Variants in EXOC4 observed in about 807,000 individuals in gnomAD.
The protein encoded by EXOC4 is exocyst complex component 4.
A neutral mutation model predicts 107.2 loss-of-function variants in EXOC4; 71 were observed. The ratio of observed to expected loss-of-function variants is 0.66; its 90% CI spans 0.55 to 0.81. EXOC4 has a LOEUF of 0.81. Among genes scored for constraint, EXOC4 ranks in the 30% least tolerant of loss-of-function variants. EXOC4 has a pLI of 0.00. For missense variants in EXOC4, 1,108 were observed against 1,189.6 expected, an observed-to-expected ratio of 0.93 and a Z score of 1.01; for synonymous variants, 456 against 441.2, an observed-to-expected ratio of 1.03 and a Z score of -0.42.
intron 10 of EXOC4, among the ~76,000 whole-genome samples, chr7:133,805,941 G>A (rs1372201649): frequency 6.6e-6 from 1 of 152,194 alleles, no homozygotes; most frequent in Admixed American, 6.5e-5. Context: ...ATCTCATTTT[G>A]TAAGAACCTG....
intron 9 of EXOC4, among the ~76,000 whole-genome samples, chr7:133,549,511 C>T (rs1479377400): frequency 2.6e-5 from 4 of 151,944 alleles, no homozygotes; most frequent in African/African-American, 7.3e-5. Context: ...GAGTGTGGTT[C>T]GTGGTGCCCC....
At chr7:133,742,933 G>T (rs1795598007) in intron 10 of EXOC4, among the ~76,000 whole-genome samples, 1 of 152,130 alleles carries the variant, frequency 6.6e-6, no homozygotes. Context: ...CTGCCCTCTG[G>T]TGGCAAAGGC....
intron 17 of EXOC4, 78 bp from the exon 18 acceptor site, chr7:134,064,213 A>T (rs10243889): frequency 1.1e-5 from 10 of 910,612 alleles, no homozygotes; most frequent in Non-Finnish European, 1.6e-5. Context: ...GAATCAATGT[A>T]TAGACAGCGT....
intron 7 of EXOC4, among the ~76,000 whole-genome samples, chr7:133,444,570 A>C (rs537305819): frequency 1.3e-5 from 2 of 152,288 alleles, no homozygotes; most frequent in East Asian, 3.9e-4. Flanking sequence ...TCCTATGAAA[A>C]AGATACAATT....
At chr7:133,429,926 G>T (rs1797816847) in intron 7 of EXOC4, among the ~76,000 whole-genome samples, 1 of 152,236 alleles carries the variant, frequency 6.6e-6, no homozygotes, top group Admixed American at 6.5e-5. Flanking sequence ...GCAAACGGGT[G>T]CCAGGGCTGG....
chr7:133,726,711 A>C (rs1464268379), intron 10 of EXOC4, among the ~76,000 whole-genome samples: 1 of 152,186 alleles, frequency 6.6e-6, no homozygotes, highest in Non-Finnish European at 1.5e-5. Flanking sequence ...CTCCTAAATG[A>C]GTACTTCCCC....
intron 17 of EXOC4, among the ~76,000 whole-genome samples, chr7:134,053,237 CAAA>C (rs59323264): frequency 9.9e-5 from 12 of 120,984 alleles, no homozygotes; most frequent in Non-Finnish European, 1.4e-4. Flanking sequence ...AACTCCATCT[CAAA>C]AAAAAAAAAA....
intron 10 of EXOC4, among the ~76,000 whole-genome samples, chr7:133,631,540 A>C (rs893220515): frequency 2.0e-5 from 3 of 152,086 alleles, no homozygotes; most frequent in Non-Finnish European, 4.4e-5. Flanking sequence ...ACTTTCACAC[A>C]ATAAAAAGTT....
chr7:133,324,734 T>C (rs1563018749), intron 5 of EXOC4, among the ~76,000 whole-genome samples: 1 of 152,218 alleles, frequency 6.6e-6, no homozygotes, highest in Non-Finnish European at 1.5e-5. Flanking sequence ...GTCTGCTTGG[T>C]GCAGAGCTGA....
the EXOC4 span, among the ~76,000 whole-genome samples, chr7:134,079,404 A>AT: frequency 0.77 from 116,801 of 151,266 alleles, 45,938 homozygotes; most frequent in African/African-American, 0.91. Context: ...AGGTTTACTT[A>AT]TTTTTTTTTA....
chr7:134,032,562 A>G (rs1175256980), intron 17 of EXOC4, among the ~76,000 whole-genome samples: 1 of 152,212 alleles, frequency 6.6e-6, no homozygotes, highest in Non-Finnish European at 1.5e-5. Context: ...AACAGGAACT[A>G]GCTCAGTCCT....
At chr7:133,977,683 GTTTA>G (rs774697738) in intron 14 of EXOC4, among the ~76,000 whole-genome samples, 8 of 151,658 alleles carry the variant, frequency 5.3e-5, no homozygotes, top group Non-Finnish European at 1.0e-4. Context: ...TGTTGTTGTG[GTTTA>G]TTTGTTTGTT....
At chr7:133,389,967 A>G (rs1215074199) in intron 7 of EXOC4, among the ~76,000 whole-genome samples, 4 of 151,654 alleles carry the variant, frequency 2.6e-5, no homozygotes, top group Non-Finnish European at 5.9e-5. Context: ...GAGACTTATC[A>G]CTATCATGAG....
In EXOC4 at chr7:133,787,043, C is replaced by T. The variant is rs551285805; in HGVS notation, c.1515-30282C>T. ...TTTAAGTAAATTCCACATGATCAGT[C>T]TGTAGATGCAAAGTGCTTTAGGCGT... On this transcript the variant is annotated intron_variant, in intron 10 of 17. Coordinates refer to ENST00000253861, the MANE Select transcript of EXOC4 (RefSeq NM_021807.4). Among the ~76,000 whole-genome samples the T allele has an allele frequency of 5.3e-5, 8 of 152,142 alleles. No homozygotes were observed. The South Asian group carries it at 1.5e-3, about 28-fold the overall frequency.
Position 133,858,454 on chromosome 7 carries a change from C to A in EXOC4, c.1735-37145C>A, listed in dbSNP as rs115995381. On this transcript the variant is annotated intron_variant, in intron 11 of 17. Coordinates refer to ENST00000253861, the MANE Select transcript of EXOC4 (RefSeq NM_021807.4). ...CCTGGAAAAAGCACCACTTGACTGA[C>A]CCAAAGGCATTAAGGAAGTTCTCAC... Among the ~76,000 whole-genome samples, 364 of 152,178 alleles carry A rather than the reference C, an allele frequency of 2.4e-3. 5 individuals carry two copies. The highest frequency in any genetic ancestry group is 8.2e-3 in the African/African-American group (340 of 41,524).
At chr7:133,658,650 A>G (rs1379879970) in intron 10 of EXOC4, among the ~76,000 whole-genome samples, 1 of 152,216 alleles carries the variant, frequency 6.6e-6, no homozygotes, top group Non-Finnish European at 1.5e-5. Flanking sequence ...ATAGTGAAGT[A>G]AGTTGTAAGC....
intron 10 of EXOC4, among the ~76,000 whole-genome samples, chr7:133,805,747 G>C (rs930171354): frequency 2.0e-5 from 3 of 152,178 alleles, no homozygotes; most frequent in African/African-American, 2.4e-5. Context: ...AGAGAGCAAG[G>C]CATGTTTTAT....
At chr7:133,889,433 TA>T (rs983179272) in intron 11 of EXOC4, among the ~76,000 whole-genome samples, 1 of 150,904 alleles carries the variant, frequency 6.6e-6, no homozygotes, top group African/African-American at 2.4e-5. Flanking sequence ...TTATTTTTTT[TA>T]ATTATACTTT....
intron 11 of EXOC4, among the ~76,000 whole-genome samples, chr7:133,823,842 ATTAT>A (rs1274589941): frequency 1.6e-4 from 3 of 18,996 alleles, no homozygotes; most frequent in Admixed American, 1.2e-3. Context: ...ATATATATAT[ATTAT>A]ATATATATAT....
Sources: allele counts gnomAD v4.1 joint callset (sites outside exome capture counted in the v4.1 genomes callset), GRCh38; gene constraint gnomAD v4.1.1; transcripts MANE v1.5; gene names NCBI Gene and HGNC (gene_info 2026-07-23, HGNC 2026-07-21).